The following BCL9 variants were observed in gnomAD, a reference collection of about 807,000 sequenced individuals.
BCL9 encodes B-cell CLL/lymphoma 9 protein.
A neutral mutation model predicts 88.5 loss-of-function variants in BCL9; 25 were observed. The observed-to-expected ratio is 0.28, with a 90% CI of 0.21 to 0.39. The LOEUF is 0.39. BCL9 is among the 10% of genes least tolerant of loss of function. BCL9 has a pLI of 1.00. For missense variants in BCL9, 1,817 were observed against 1,877.8 expected (o/e 0.97, Z 0.60); for synonymous variants, 711 against 673.3 (o/e 1.06, Z -0.87).
At position 147,610,739 on chromosome 1, in the gene BCL9, T is replaced by C. The variant is rs74125734; in HGVS notation, c.-259-839T>C. ...AAAGTATGTCTTGGTTTTACCTGAA[T>C]TTGTCTAGGCTTCCCTGAATAAAGG... is the stretch of plus-strand genomic sequence containing the variant. On this transcript the variant is annotated intron_variant, in intron 3 of 9. Coordinates refer to ENST00000234739, the MANE Select transcript of BCL9 (RefSeq NM_004326.4). Among the ~76,000 whole-genome samples the C allele has an allele frequency of 9.9e-3, 1,514 of 152,326 alleles. 23 individuals carry two copies. The highest frequency in any genetic ancestry group is 0.035 in the African/African-American group (1,441 of 41,568).
intron 1 of BCL9, among the ~76,000 whole-genome samples, chr1:147,597,460 TA>T (rs1657105180): frequency 6.6e-6 from 1 of 152,184 alleles, no homozygotes; most frequent in Non-Finnish European, 1.5e-5. Flanking sequence ...ACCATTTGGG[TA>T]AAAAAATGAT....
At position 147,619,897 on chromosome 1, in the gene BCL9, C is replaced by T. The variant is rs1658517748; in HGVS notation, c.1742C>T (p.Pro581Leu). The change falls in exon 8 of 10, where the codon CCT becomes CTT. Residue 581 changes from proline (P) to leucine (L), a missense_variant. By Grantham distance (98) the Pro-to-Leu change is moderately conservative (BLOSUM62 -3). Transcript: ENST00000234739. The surrounding 1 kb of genome is among the most constrained non-coding windows in gnomAD (Gnocchi z 4.1). ...SEMEGPNVPN[P>L]ASRPGLSGVS... is the part of the protein sequence containing the mutation. Reference sequence around the variant, plus strand: ...ATGGAAGGGCCGAATGTCCCCAACCCTGCATCTAGACCAGGTCTTTCTGGA... The same window carrying T: ...ATGGAAGGGCCGAATGTCCCCAACCTTGCATCTAGACCAGGTCTTTCTGGA... The T allele has an allele frequency of 4.3e-6, 7 of 1,614,100 alleles. No individual in the cohort carries two copies. The highest frequency in any genetic ancestry group is 5.9e-6 in the Non-Finnish European group (7 of 1,180,048).
rs1658845125 is a variant in BCL9, at chr1:147,624,759, A to G, written c.4081A>G (p.Lys1361Glu). The G allele has an allele frequency of 1.9e-6, 3 of 1,614,012 alleles. No homozygotes were observed. The Admixed American group carries it at 5.0e-5, about 27-fold the overall frequency. ...TGCTGCCGTGGGCATGATTCCTGGC[A>G]AGGATCGGGGGCCTGCCGGGCTCTA... Reference protein sequence around the residue: ...PAAAVGMIPGKDRGPAGLYTH... With the variant: ...PAAAVGMIPGEDRGPAGLYTH... The change falls in exon 10 of 10, where the codon AAG becomes GAG. Residue 1361 changes from lysine to glutamate, a missense_variant. By Grantham distance (56) the Lys-to-Glu change is moderately conservative. Around this residue, in one of 2 missense-constraint regions of BCL9, gnomAD observed 589 missense variants for 686.2 expected, o/e 0.86. Transcript: ENST00000234739. The surrounding 1 kb of genome is among the most constrained non-coding windows in gnomAD (Gnocchi z 4.4).
At chr1:147,600,178 G>C (rs1484975859) in intron 1 of BCL9, 3 of 158,884 alleles carry the variant, frequency 1.9e-5, no homozygotes, top group African/African-American at 7.3e-5. Flanking sequence ...TGTGCTTGCC[G>C]GAGTGGGACG....
intron 1 of BCL9, among the ~76,000 whole-genome samples, chr1:147,563,982 A>G (rs1655495278): frequency 1.3e-5 from 2 of 152,208 alleles, no homozygotes; most frequent in Non-Finnish European, 2.9e-5. Context: ...GTTCATTCTG[A>G]ATAACTCCAA....
intron 2 of BCL9, among the ~76,000 whole-genome samples, chr1:147,605,224 G>A (rs1304558059): frequency 2.0e-5 from 3 of 152,176 alleles, no homozygotes; most frequent in South Asian, 2.1e-4. Context: ...CAATACACAA[G>A]CCCCAAGCTC....
At chr1:147,574,542 C>A (rs974343725) in intron 1 of BCL9, among the ~76,000 whole-genome samples, 4 of 152,124 alleles carry the variant, frequency 2.6e-5, no homozygotes, top group Non-Finnish European at 5.9e-5. Context: ...TTCTTATGAA[C>A]TCCTAGAAGT....
Position 147,619,235 on chromosome 1 carries a change from G to A in BCL9, c.1080G>A (p.Glu360=). The change falls in exon 8 of 10, where the codon GAG becomes GAA. Residue 360 remains glutamate (E), a synonymous_variant. Transcript: ENST00000234739. This position sits in a 1 kb window ranked among gnomAD's most constrained non-coding sequence, Gnocchi z 4.1. The part of the protein sequence containing the change: ...GLSQEQLEHR[E]RSLQTLRDIQ... ...CTCAGGAGCAGCTGGAGCACCGGGA[G>A]CGCTCCTTACAAACTCTCAGAGATA... 6.2e-7 allele frequency: 1 copy of A among 1,614,188 alleles called. No individual in the cohort carries two copies.
rs1361630338 is a variant in BCL9, at chr1:147,614,686, AGATT to A, written c.560+74_560+77del. On this transcript the variant is annotated intron_variant, in intron 6 of 9. Coordinates refer to ENST00000234739, the MANE Select transcript of BCL9 (RefSeq NM_004326.4). ...GGACCTAAATTCTTATTCCCATTGC[AGATT>A]GATCTTTTATTATCACCTAAAGTTA... The A allele has an allele frequency of 3.5e-6, 5 of 1,429,242 alleles. No homozygotes were observed. In the African/African-American group the frequency reaches 7.2e-5, roughly 21 times the overall value. 88.5% of individuals were successfully genotyped at this position (1,429,242 alleles called of 1,614,324 possible).
chr1:147,619,022 A>G lies in BCL9; in HGVS notation c.867A>G (p.Val289=). 1 of 1,609,860 alleles carries G rather than the reference A, an allele frequency of 6.2e-7. No individual in the cohort carries two copies. The highest frequency in any genetic ancestry group is 8.5e-7 in the Non-Finnish European group (1 of 1,177,706). ...TAGAAAACAAACTGATTCCTTCTGT[A>G]GGAAGTCCTGCCAGCTCCACTCCAC... is the stretch of plus-strand genomic sequence containing the variant. The part of the protein sequence containing the change: ...PGVENKLIPS[V]GSPASSTPLP... Residue 289 remains valine, a synonymous_variant, in exon 8 of 10, where the codon GTA becomes GTG. Transcript: ENST00000234739. The surrounding 1 kb of genome is among the most constrained non-coding windows in gnomAD (Gnocchi z 4.1).
intron 1 of BCL9, among the ~76,000 whole-genome samples, chr1:147,571,881 T>A (rs782665467): frequency 6.6e-6 from 1 of 152,176 alleles, no homozygotes; most frequent in Non-Finnish European, 1.5e-5. Context: ...AGGACTCTAT[T>A]CATTTTCTCT....
In BCL9 at chr1:147,611,805, C is replaced by G; in HGVS notation, c.-32C>G. ...CGAGAGGAACTCGGTGAGCCTGTCC[C>G]GTTTGTGACTGCAAGCTCAGGATTT... On this transcript the variant is annotated 5_prime_UTR_variant, in exon 4 of 10. Coordinates refer to ENST00000234739, the MANE Select transcript of BCL9 (RefSeq NM_004326.4). 2.5e-6 allele frequency: 4 copies of G among 1,610,032 alleles called. No individual in the cohort carries two copies. Among genetic ancestry groups the G allele is most frequent in the Non-Finnish European group, 3.4e-6 (4 of 1,176,286 alleles).
At chr1:147,574,921 A>G (rs1432791283) in intron 1 of BCL9, among the ~76,000 whole-genome samples, 1 of 151,980 alleles carries the variant, frequency 6.6e-6, no homozygotes, top group African/African-American at 2.4e-5. Flanking sequence ...CCCTTGGTCT[A>G]CTCCACACTT....
chr1:147,572,066 C>T (rs1246098877), intron 1 of BCL9, among the ~76,000 whole-genome samples: 4 of 102,696 alleles, frequency 3.9e-5, no homozygotes, highest in Non-Finnish European at 6.0e-5. Flanking sequence ...GGTGAAACCC[C>T]GTCTGTACTA....
rs374801374 is a variant in BCL9, at chr1:147,611,792, G to A, written c.-45G>A. Reference sequence around the variant, plus strand: ...TTCTGCTGCAACCCGAGAGGAACTCGGTGAGCCTGTCCCGTTTGTGACTGC... The same window carrying A: ...TTCTGCTGCAACCCGAGAGGAACTCAGTGAGCCTGTCCCGTTTGTGACTGC... On this transcript the variant is annotated 5_prime_UTR_variant, in exon 4 of 10. Transcript: ENST00000234739. The A allele has an allele frequency of 4.1e-5, 66 of 1,596,058 alleles. No homozygotes were observed. In the African/African-American group the frequency reaches 6.8e-4, roughly 17 times the overall value.
At chr1:147,552,379 G>A (rs1253649953) in intron 1 of BCL9, among the ~76,000 whole-genome samples, 52 of 152,260 alleles carry the variant, frequency 3.4e-4, no homozygotes, top group African/African-American at 7.2e-5. Flanking sequence ...AGGCCAAGGC[G>A]GGTGGAACAA....
chr1:147,612,817 C>G, intron 4 of BCL9, 66 bp from the exon 5 acceptor site: 1 of 1,513,442 alleles, frequency 6.6e-7, no homozygotes. Context: ...GAAACTGCCT[C>G]TCTCTAATTT....
chr1:147,603,832 A>G (rs1302818123), intron 1 of BCL9, among the ~76,000 whole-genome samples: 2 of 152,046 alleles, frequency 1.3e-5, no homozygotes, highest in African/African-American at 4.8e-5. Flanking sequence ...TAACCTTATA[A>G]TGTCCCATGT....
chr1:147,551,547 A>T (rs587649058), intron 1 of BCL9, among the ~76,000 whole-genome samples: 1 of 152,350 alleles, frequency 6.6e-6, no homozygotes, highest in East Asian at 1.9e-4. Context: ...CCATTATGAC[A>T]GTATTAACAG....
Sources: allele counts gnomAD v4.1 joint callset (sites outside exome capture counted in the v4.1 genomes callset), GRCh38; gene constraint gnomAD v4.1.1; regional missense constraint gnomAD v4.1.1; non-coding constraint Gnocchi (gnomAD v3.1); transcripts MANE v1.5; gene names NCBI Gene and HGNC (gene_info 2026-07-23, HGNC 2026-07-21).